The following ROBO2 variants were observed in gnomAD, a reference collection of about 807,000 sequenced individuals.
ROBO2 encodes the protein roundabout guidance receptor 2.
ROBO2 carries 53 observed loss-of-function variants against 160.8 expected under a neutral mutation model. The ratio of observed to expected loss-of-function variants is 0.33; its 90% CI spans 0.26 to 0.41. ROBO2 has a LOEUF of 0.41. Ranked by LOEUF, ROBO2 falls within the 10% of genes least tolerant of loss-of-function variation. The pLI is 1.00. For missense variants in ROBO2, 1,577 were observed against 1,722.4 expected (o/e 0.92, Z 1.49); for synonymous variants, 664 against 611.7 (o/e 1.09, Z -1.26).
In ROBO2 at chr3:76,448,339, T is replaced by C. The variant is rs139585372; in HGVS notation, c.109+510737T>C. 1.2e-3 allele frequency among the ~76,000 whole-genome samples: 177 copies of C among 152,240 alleles called. 2 individuals are homozygous for C. The highest frequency in any genetic ancestry group is 9.2e-3 in the Admixed American group (141 of 15,270). On this transcript the variant is annotated intron_variant, in intron 2 of 26. Transcript: ENST00000487694. ...GAAATCTGATATATCTTGCAACTGA[T>C]AATGTGTTTTAATACGAGGAAATGA... is the stretch of plus-strand genomic sequence containing the variant.
At chr3:76,918,532 T>C (rs563328880) in intron 2 of ROBO2, among the ~76,000 whole-genome samples, 1 of 152,370 alleles carries the variant, frequency 6.6e-6, no homozygotes, top group African/African-American at 2.4e-5. Flanking sequence ...AGTAATAAAC[T>C]GTCAACTTGC....
At chr3:76,067,934 C>T (rs753375889) in intron 2 of ROBO2, among the ~76,000 whole-genome samples, 7 of 151,968 alleles carry the variant, frequency 4.6e-5, no homozygotes, top group African/African-American at 1.2e-4. Flanking sequence ...GAACAACGGG[C>T]GAAAATTTGT....
At chr3:77,098,973 G>A (rs2071503096) in intron 2 of ROBO2, among the ~76,000 whole-genome samples, 1 of 151,930 alleles carries the variant, frequency 6.6e-6, no homozygotes, top group South Asian at 2.1e-4. Flanking sequence ...TCAGGATGCT[G>A]GAATCTTATG....
chr3:77,200,265 TTTTATATATATATATA>T (rs1412342371), intron 2 of ROBO2, among the ~76,000 whole-genome samples: 9 of 59,060 alleles, frequency 1.5e-4, no homozygotes, highest in South Asian at 1.3e-3. Flanking sequence ...AACTAACATA[TTTTATATATATATATA>T]TATATATATA....
At chr3:77,019,885 A>G (rs888138171) in intron 2 of ROBO2, among the ~76,000 whole-genome samples, 7 of 152,208 alleles carry the variant, frequency 4.6e-5, no homozygotes, top group Admixed American at 2.0e-4. Flanking sequence ...TCCCAGATTC[A>G]GATACATTTG....
chr3:76,923,132 A>G (rs2149002563), intron 2 of ROBO2, among the ~76,000 whole-genome samples: 1 of 152,312 alleles, frequency 6.6e-6, no homozygotes, highest in East Asian at 1.9e-4. Flanking sequence ...TGGTGTCCCC[A>G]GGATTTATAT....
At chr3:76,198,284 G>C (rs1274746680) in intron 2 of ROBO2, among the ~76,000 whole-genome samples, 1 of 151,866 alleles carries the variant, frequency 6.6e-6, no homozygotes, top group Non-Finnish European at 1.5e-5. Context: ...GGGAAGGGGA[G>C]ATCAGACATA....
chr3:76,099,485 G>T (rs562624827), intron 2 of ROBO2, among the ~76,000 whole-genome samples: 1 of 152,128 alleles, frequency 6.6e-6, no homozygotes, highest in South Asian at 2.1e-4. Context: ...AAATACGAAT[G>T]AGCTAAATTA....
At chr3:76,608,662 G>A (rs911485574) in intron 2 of ROBO2, among the ~76,000 whole-genome samples, 2 of 152,060 alleles carry the variant, frequency 1.3e-5, no homozygotes, top group Admixed American at 1.3e-4. Context: ...CCAACATCCT[G>A]GAGAGTTTTC....
In ROBO2 at chr3:77,480,510, GTGTT is replaced by G. The variant is rs573017091; in HGVS notation, c.547-583_547-580del. On this transcript the variant is annotated intron_variant, in intron 3 of 25. Transcript: ENST00000461745. ...AATACATATTACCATTTTATAAACT[GTGTT>G]TGTTTTTATCCAACCTGCCATTTTC... Among the ~76,000 whole-genome samples the G allele has an allele frequency of 1.9e-4, 29 of 152,178 alleles. No individual in the cohort carries two copies. In the South Asian group the frequency reaches 5.2e-3, roughly 27 times the overall value.
At chr3:76,557,662 T>C (rs187509499) in intron 2 of ROBO2, among the ~76,000 whole-genome samples, 64 of 150,952 alleles carry the variant, frequency 4.2e-4, no homozygotes, top group African/African-American at 1.5e-3. Flanking sequence ...TCTAAACAGA[T>C]ATGTTCCATT....
intron 2 of ROBO2, among the ~76,000 whole-genome samples, chr3:76,365,521 G>C (rs2075765796): frequency 6.6e-6 from 1 of 152,008 alleles, no homozygotes; most frequent in Admixed American, 6.6e-5. Flanking sequence ...AGAGCTAGAT[G>C]AATAGCAATT....
At chr3:76,793,289 C>A (rs1396655462) in intron 2 of ROBO2, among the ~76,000 whole-genome samples, 1 of 151,748 alleles carries the variant, frequency 6.6e-6, no homozygotes, top group Non-Finnish European at 1.5e-5. Flanking sequence ...ATCCTAGAAG[C>A]CTCTTTATTA....
At chr3:76,138,366 T>G (rs1057398846) in intron 2 of ROBO2, among the ~76,000 whole-genome samples, 1 of 152,058 alleles carries the variant, frequency 6.6e-6, no homozygotes, top group Non-Finnish European at 1.5e-5. Flanking sequence ...AATGTAAATC[T>G]ATATTGTATC....
At chr3:76,427,154 A>G (rs867011798) in intron 2 of ROBO2, among the ~76,000 whole-genome samples, 15 of 152,142 alleles carry the variant, frequency 9.9e-5, no homozygotes, top group South Asian at 6.2e-4. Flanking sequence ...CAGGATTTAC[A>G]TGATTCTCTT....
At chr3:75,972,590 T>C (rs1576342595) in intron 2 of ROBO2, among the ~76,000 whole-genome samples, 1 of 151,704 alleles carries the variant, frequency 6.6e-6, no homozygotes, top group Admixed American at 6.6e-5. Context: ...GGACAGAGAC[T>C]TGGATTTTGG....
At position 77,477,305 on chromosome 3, in the gene ROBO2, A is replaced by G. The variant is rs1470573; in HGVS notation, c.389-109A>G. ...GTAGCTATGTTCTCAGTAAAAATCC[A>G]GGCAATTTTTACTAGAACAAGGTAA... On this transcript the variant is annotated intron_variant, in intron 2 of 25. Coordinates refer to ENST00000461745, the Ensembl canonical transcript of ROBO2. The G allele has an allele frequency of 2.6e-3, 2,832 of 1,098,648 alleles. 40 individuals carry two copies. In the African/African-American group the frequency reaches 0.039, roughly 15 times the overall value. The allele number at this position is 1,098,648 out of a possible 1,614,324, so 68.1% of individuals were successfully genotyped here. A position where few individuals can be genotyped will look rare whatever the true frequency, so the allele number is the denominator to read the frequency against.
intron 1 of ROBO2, among the ~76,000 whole-genome samples, chr3:75,916,895 A>G (rs1946834831): frequency 6.6e-6 from 1 of 152,042 alleles, no homozygotes; most frequent in East Asian, 1.9e-4. Flanking sequence ...ATATGTTACA[A>G]ATACAAAACT....
chr3:77,440,127 T>A, intron 2 of ROBO2, among the ~76,000 whole-genome samples: 1 of 152,190 alleles, frequency 6.6e-6, no homozygotes, highest in Admixed American at 6.5e-5. Context: ...GTCTACCATG[T>A]GCTTAGAGTA....
Sources: gnomAD v4.1 joint callset for allele counts (sites outside exome capture counted in the v4.1 genomes callset) on GRCh38, gnomAD v4.1.1 for gene constraint, MANE v1.5 for transcripts, NCBI Gene and HGNC (gene_info 2026-07-23, HGNC 2026-07-21) for gene names.